Variants in MME observed in about 807,000 individuals in gnomAD.
MME encodes membrane metalloendopeptidase.
Under a neutral mutation model 113.2 loss-of-function variants are expected in MME, and 98 were observed. The ratio of observed to expected loss-of-function variants is 0.87; its 90% confidence interval spans 0.74 to 1.02. The LOEUF (loss-of-function observed/expected upper bound fraction) is 1.02, where lower values mean the gene tolerates loss of function less well. Among genes scored for constraint, MME ranks in the 50% least tolerant of loss-of-function variants. The pLI is 0.00. For missense variants in MME, 836 were observed against 896.0 expected, an observed-to-expected ratio of 0.93 and a Z score of 0.86; for synonymous variants, 292 against 300.6, an observed-to-expected ratio of 0.97 and a Z score of 0.30.
chr3:155,126,954 C>T (rs939772840), intron 8 of MME, among the ~76,000 whole-genome samples: 6 of 150,424 alleles, frequency 4.0e-5, no homozygotes, highest in Non-Finnish European at 4.4e-5. Flanking sequence ...TTGCAGTGAG[C>T]CAAGATCGTG....
chr3:155,138,941 G>C (rs192153872), intron 9 of MME, among the ~76,000 whole-genome samples: 2 of 152,000 alleles, frequency 1.3e-5, no homozygotes, highest in East Asian at 3.9e-4. Context: ...GACCCACAGA[G>C]TTCTCTTTGT....
chr3:155,142,600 G>C (rs1234276705), intron 12 of MME, among the ~76,000 whole-genome samples: 1 of 152,124 alleles, frequency 6.6e-6, no homozygotes, highest in Non-Finnish European at 1.5e-5. Context: ...AAAGAATACT[G>C]TCTGGATTTT....
intron 20 of MME, among the ~76,000 whole-genome samples, chr3:155,169,336 A>G (rs189500337): frequency 6.6e-6 from 1 of 152,306 alleles, no homozygotes; most frequent in Admixed American, 6.5e-5. Flanking sequence ...TATTATACAC[A>G]GAGGACTATT....
chr3:155,034,267 C>A (rs558316811), intron 1 of MME, among the ~76,000 whole-genome samples: 5 of 152,288 alleles, frequency 3.3e-5, no homozygotes, highest in South Asian at 4.1e-4. Context: ...AAGAAACTTA[C>A]CACCAGTTCA....
chr3:155,101,492 GT>G, intron 3 of MME, among the ~76,000 whole-genome samples: 1 of 152,268 alleles, frequency 6.6e-6, no homozygotes, highest in East Asian at 1.9e-4. Context: ...CCTACTCTTG[GT>G]GATCTGCCTC....
chr3:155,133,571 T>C lies in MME; in HGVS notation c.721-4531T>C, dbSNP rs537064856. On this transcript the variant is annotated intron_variant, in intron 8 of 22. Coordinates refer to ENST00000360490, the MANE Select transcript of MME (RefSeq NM_007289.4). Reference sequence around the variant, plus strand: ...GTGCCCAAGATGATTACTGTTATTGTTTTCTCACCTCATCAACAAAAAGCA... The same window carrying C: ...GTGCCCAAGATGATTACTGTTATTGCTTTCTCACCTCATCAACAAAAAGCA... Among the ~76,000 whole-genome samples, 126 of 150,878 alleles carry C rather than the reference T, an allele frequency of 8.4e-4. 1 individual carries two copies. Among genetic ancestry groups the C allele is most frequent in the African/African-American group, 2.9e-3 (121 of 41,216 alleles).
chr3:155,084,398 T>A lies in MME; in HGVS notation c.160+71T>A, dbSNP rs942793722. 4 of 1,500,928 alleles carry A rather than the reference T, an allele frequency of 2.7e-6. No individual in the cohort carries two copies. The Admixed American group carries it at 6.7e-5, about 25-fold the overall frequency. 93.0% of individuals were successfully genotyped at this position (1,500,928 alleles called of 1,614,324 possible). ...GAAATCTTCCTCCATGCTTTTACCATCTATCCAACGAATGTGTTAAGGATA... is the reference window on the plus strand; with the variant it reads ...GAAATCTTCCTCCATGCTTTTACCAACTATCCAACGAATGTGTTAAGGATA... On this transcript the variant is annotated intron_variant, in intron 2 of 22. Transcript: ENST00000360490.
chr3:155,079,432 A>C (rs1316378101), upstream of MME, among the ~76,000 whole-genome samples: 1 of 151,980 alleles, frequency 6.6e-6, no homozygotes. Context: ...AATTCTAAAA[A>C]TGTTTAGCAA....
upstream of MME, among the ~76,000 whole-genome samples, chr3:155,074,916 T>TA (rs916930560): frequency 4.6e-5 from 7 of 152,040 alleles, no homozygotes; most frequent in African/African-American, 1.7e-4. Context: ...CATAGGTGCT[T>TA]AAAAAAATAT....
intron 22 of MME, among the ~76,000 whole-genome samples, chr3:155,175,773 G>GT (rs3836433): frequency 0.44 from 66,858 of 151,860 alleles, 15,990 homozygotes; most frequent in African/African-American, 0.64. Flanking sequence ...ATATAGACAT[G>GT]TCAACTAATA....
intron 3 of MME, among the ~76,000 whole-genome samples, chr3:155,102,604 G>A (rs1485951484): frequency 6.6e-6 from 1 of 152,164 alleles, no homozygotes; most frequent in Admixed American, 6.5e-5. Flanking sequence ...TTAACAAGAT[G>A]ATTTAGAACT....
chr3:155,060,220 C>T (rs79799823), intron 1 of MME, among the ~76,000 whole-genome samples: 2,396 of 152,252 alleles, frequency 0.016, 71 homozygotes, highest in African/African-American at 0.054. Context: ...CTTTGATCTG[C>T]AAATGTCCTC....
In MME at chr3:155,044,125, C is replaced by CTTT. The variant is rs5853709; in HGVS notation, c.-11+19822_-11+19824dup. 3.8e-3 allele frequency among the ~76,000 whole-genome samples: 338 copies of CTTT among 89,138 alleles called. 3 individuals are homozygous for CTTT. Among genetic ancestry groups the CTTT allele is most frequent in the East Asian group, 7.0e-3 (19 of 2,726 alleles). 58.5% of individuals were successfully genotyped at this position (89,138 alleles called of 152,430 possible). ...TATGTTGAATATTTTCTTCCTTTTT[C>CTTT]TTTTTTTTTTTTTTTTTTTTTTTGA... On this transcript the variant is annotated intron_variant, in intron 1 of 22. Coordinates refer to the MME transcript ENST00000492661.
chr3:155,063,579 A>G (rs1576678244), intron 1 of MME, among the ~76,000 whole-genome samples: 1 of 84,106 alleles, frequency 1.2e-5, no homozygotes, highest in Non-Finnish European at 2.6e-5. Flanking sequence ...ATATTTTATT[A>G]ATATATATAA....
intron 17 of MME, among the ~76,000 whole-genome samples, chr3:155,164,958 G>A (rs1722983123): frequency 6.6e-6 from 1 of 152,060 alleles, no homozygotes; most frequent in African/African-American, 2.4e-5. Flanking sequence ...ATTTATCCCT[G>A]AAGCCCATGC....
intron 1 of MME, among the ~76,000 whole-genome samples, chr3:155,042,940 G>GGTATA (rs1713406465): frequency 1.9e-5 from 1 of 53,580 alleles, no homozygotes; most frequent in Non-Finnish European, 3.3e-5. Context: ...ATATATATAT[G>GGTATA]TATATATATA....
At chr3:155,135,472 C>T (rs1186158658) in intron 8 of MME, among the ~76,000 whole-genome samples, 1 of 137,960 alleles carries the variant, frequency 7.2e-6, no homozygotes, top group African/African-American at 2.7e-5. Flanking sequence ...TCTGTGTTCT[C>T]TATCCTGTTC....
intron 17 of MME, among the ~76,000 whole-genome samples, chr3:155,164,067 C>T (rs558470237): frequency 1.0e-4 from 15 of 150,564 alleles, no homozygotes; most frequent in African/African-American, 2.7e-4. Context: ...TTTCCTGAGC[C>T]TGAAAGGTGG....
chr3:155,099,332 A>C (rs1717006198), intron 3 of MME, among the ~76,000 whole-genome samples: 2 of 152,182 alleles, frequency 1.3e-5, no homozygotes, highest in South Asian at 4.1e-4. Flanking sequence ...AAAATGAATC[A>C]ATGAGTTCTT....
Sources: gnomAD v4.1 joint callset for allele counts (sites outside exome capture counted in the v4.1 genomes callset) on GRCh38, gnomAD v4.1.1 for gene constraint, MANE v1.5 for transcripts, NCBI Gene and HGNC (gene_info 2026-07-23, HGNC 2026-07-21) for gene names.